LAG3: variants seen among roughly 807,000 people sequenced by gnomAD.
LAG3 encodes the protein lymphocyte activating 3.
LAG3 carries 29 observed loss-of-function variants against 49.0 expected under a neutral mutation model. The observed-to-expected ratio is 0.59, with a 90% CI of 0.44 to 0.81. The LOEUF is 0.81. Among genes scored for constraint, LAG3 ranks in the 30% least tolerant of loss-of-function variants. The probability of loss-of-function intolerance (pLI) is 0.00; values close to 1 mark genes in which losing one functional copy is unlikely to be tolerated. For missense variants in LAG3, 693 were observed against 695.2 expected, an observed-to-expected ratio of 1.00 and a Z score of 0.04; for synonymous variants, 320 against 297.3, an observed-to-expected ratio of 1.08 and a Z score of -0.79.
At chr12:6,774,135 G>C (rs1941876538) in intron 3 of LAG3, 134 bp downstream of exon 3, 20 of 1,308,948 alleles carry the variant, frequency 1.5e-5, no homozygotes, top group African/African-American at 9.3e-5. Flanking sequence ...GTAGAGGAAG[G>C]GGGTGGGCGG....
In LAG3 at chr12:6,772,797, C is replaced by CGGGGCGG; in HGVS notation, c.-56_-55insGGGGCGG. On this transcript the variant is annotated 5_prime_UTR_variant, in exon 1 of 8. Coordinates refer to ENST00000203629, the MANE Select transcript of LAG3 (RefSeq NM_002286.6). ...ACCCCCCACCCCCCACCACTGCCCC[C>CGGGGCGG]TTTCCTTTTCTGACCTCCTTTTGGA... The CGGGGCGG allele has an allele frequency of 6.7e-7, 1 of 1,502,052 alleles. No homozygotes were observed. The highest frequency in any genetic ancestry group is 9.2e-7 in the Non-Finnish European group (1 of 1,085,996). 93.0% of individuals were successfully genotyped at this position (1,502,052 alleles called of 1,614,324 possible).
chr12:6,773,122 C>T lies in LAG3; in HGVS notation c.59-70C>T. 1.3e-6 allele frequency: 2 copies of T among 1,532,574 alleles called. No individual in the cohort carries two copies. The highest frequency in any genetic ancestry group is 1.8e-6 in the Non-Finnish European group (2 of 1,134,858). 94.9% of individuals were successfully genotyped at this position (1,532,574 alleles called of 1,614,324 possible). The stretch of plus-strand genomic sequence containing the variant: ...ACCCTGTTTCTCCCTCGGGAAACAC[C>T]CAGGCTCCTTCTCTACCCCTGCCTC... On this transcript the variant is annotated intron_variant, in intron 1 of 7. Transcript: ENST00000203629. The surrounding 1 kb of genome is among the most constrained non-coding windows in gnomAD (Gnocchi z 5.5).
Position 6,773,277 on chromosome 12 carries a change from C to G in LAG3, c.144C>G (p.Ile48Met). Residue 48 changes from isoleucine to methionine, a missense_variant, in exon 2 of 8, where the codon ATC becomes ATG. By Grantham distance (10) the Ile-to-Met change is conservative. Transcript: ENST00000203629. This position sits in a 1 kb window ranked among gnomAD's most constrained non-coding sequence, Gnocchi z 5.5. Reference protein sequence around the residue: ...APAQLPCSPTIPLQDLSLLRR... With the variant: ...APAQLPCSPTMPLQDLSLLRR... ...CCCAGCTCCCCTGCAGCCCCACAATCCCCCTCCAGGATCTCAGCCTTCTGC... is the reference window on the plus strand; with the variant it reads ...CCCAGCTCCCCTGCAGCCCCACAATGCCCCTCCAGGATCTCAGCCTTCTGC... 1 of 1,613,800 alleles carries G rather than the reference C, an allele frequency of 6.2e-7. No individual in the cohort carries two copies. Among genetic ancestry groups the G allele is most frequent in the Non-Finnish European group, 8.5e-7 (1 of 1,179,876 alleles).
At position 6,777,376 on chromosome 12, in the gene LAG3, GAGGAGTTTCTC is replaced by G. The variant is rs1565482666; in HGVS notation, c.1175_1185del (p.Ser392ThrfsTer37). 6.2e-7 allele frequency: 1 copy of G among 1,614,182 alleles called. No individual in the cohort carries two copies. Among genetic ancestry groups the G allele is most frequent in the Admixed American group, 1.7e-5 (1 of 60,024 alleles). On this transcript the variant is annotated frameshift_variant, in exon 6 of 8. Transcript: ENST00000203629. LOFTEE classifies it high-confidence loss of function. Reference sequence around the variant, plus strand: ...GGAGCTCTCTGGACACCCCATCCCAGAGGAGTTTCTCAGGACCTTGGCTGGAGGCACAGGAG... The same window carrying G: ...GGAGCTCTCTGGACACCCCATCCCAGAGGACCTTGGCTGGAGGCACAGGAG...
intron 7 of LAG3, 152 bp downstream of exon 7, chr12:6,778,073 G>A: frequency 1.5e-6 from 2 of 1,343,878 alleles, no homozygotes; most frequent in Non-Finnish European, 2.1e-6. Context: ...TCACTCCAGG[G>A]ATGGCTTGTG....
chr12:6,773,440 G>A lies in LAG3; in HGVS notation c.206+101G>A, dbSNP rs1304413414. ...CCTGCCCTGAGGTGTCACTCCCTCT[G>A]AAGCCAGTGACCCAGTCTCCCTGCC... On this transcript the variant is annotated intron_variant, in intron 2 of 7. Coordinates refer to ENST00000203629, the MANE Select transcript of LAG3 (RefSeq NM_002286.6). This position sits in a 1 kb window ranked among gnomAD's most constrained non-coding sequence, Gnocchi z 5.5. 2.9e-6 allele frequency: 4 copies of A among 1,400,140 alleles called. No individual in the cohort carries two copies. Among genetic ancestry groups the A allele is most frequent in the Admixed American group, 4.4e-5 (2 of 45,426 alleles). 86.7% of individuals were successfully genotyped at this position (1,400,140 alleles called of 1,614,324 possible).
chr12:6,773,656 T>G lies in LAG3; in HGVS notation c.207-41T>G. The G allele has an allele frequency of 7.3e-7, 1 of 1,361,260 alleles. No homozygotes were observed. The highest frequency in any genetic ancestry group is 9.4e-7 in the Non-Finnish European group (1 of 1,064,888). 84.3% of individuals were successfully genotyped at this position (1,361,260 alleles called of 1,614,324 possible). On this transcript the variant is annotated intron_variant, in intron 2 of 7. Transcript: ENST00000203629. This position sits in a 1 kb window ranked among gnomAD's most constrained non-coding sequence, Gnocchi z 5.5. ...GCTGCCTGCATCCTCCCGGGCTTCC[T>G]ACCCCTGGAGCTTCTCAACTCCATT...
At position 6,775,286 on chromosome 12, in the gene LAG3, A is replaced by G; in HGVS notation, c.795A>G (p.Pro265=). 6.2e-7 allele frequency: 1 copy of G among 1,613,620 alleles called. No individual in the cohort carries two copies. Among genetic ancestry groups the G allele is most frequent in the East Asian group, 2.2e-5 (1 of 44,866 alleles). ...TTTTCTCTTCAGGTCTGGAGCCCCC[A>G]ACTCCCTTGACAGTGTACGCTGGAG... is the stretch of plus-strand genomic sequence containing the variant. The part of the protein sequence containing the change: ...YNLTVLGLEP[P]TPLTVYAGAG... Residue 265 remains proline (P), a synonymous_variant, in exon 5 of 8, where the codon CCA becomes CCG. Transcript: ENST00000203629.
At chr12:6,774,111 G>A in intron 3 of LAG3, 110 bp downstream of exon 3, 1 of 1,327,506 alleles carries the variant, frequency 7.5e-7, no homozygotes, top group African/African-American at 1.5e-5. Context: ...CCCTGTCGGA[G>A]AGCTCCCAGA....
Position 6,772,780 on chromosome 12 carries a change from C to A in LAG3, c.-73C>A. ...TGCAGAACTTCTCCTTTACCCCCCA[C>A]CCCCCACCACTGCCCCCTTTCCTTT... On this transcript the variant is annotated 5_prime_UTR_variant, in exon 1 of 8. Transcript: ENST00000203629. 7 of 1,023,118 alleles carry A rather than the reference C, an allele frequency of 6.8e-6. No homozygotes were observed. Among genetic ancestry groups the A allele is most frequent in the Non-Finnish European group, 7.2e-6 (5 of 696,442 alleles). 63.4% of individuals were successfully genotyped at this position (1,023,118 alleles called of 1,614,324 possible). A position where few individuals can be genotyped will look rare whatever the true frequency, so the allele number is the denominator to read the frequency against.
At position 6,773,639 on chromosome 12, in the gene LAG3, C is replaced by T; in HGVS notation, c.207-58C>T. The T allele has an allele frequency of 7.5e-7, 1 of 1,340,068 alleles. No homozygotes were observed. Among genetic ancestry groups the T allele is most frequent in the Non-Finnish European group, 9.5e-7 (1 of 1,052,964 alleles). 83.0% of individuals were successfully genotyped at this position (1,340,068 alleles called of 1,614,324 possible). ...CTCATCCTCAACGGGTGGCTGCCTG[C>T]ATCCTCCCGGGCTTCCTACCCCTGG... On this transcript the variant is annotated intron_variant, in intron 2 of 7. Transcript: ENST00000203629. This position sits in a 1 kb window ranked among gnomAD's most constrained non-coding sequence, Gnocchi z 5.5.
At position 6,777,381 on chromosome 12, in the gene LAG3, G is replaced by T. The variant is rs755178961; in HGVS notation, c.1175G>T (p.Ser392Ile). ...TCTCTGGACACCCCATCCCAGAGGA[G>T]TTTCTCAGGACCTTGGCTGGAGGCA... ...WSSLDTPSQR[S>I]FSGPWLEAQE... is the part of the protein sequence containing the mutation. Residue 392 changes from serine to isoleucine, a missense_variant, in exon 6 of 8, where the codon AGT becomes ATT. Coordinates refer to ENST00000203629, the MANE Select transcript of LAG3 (RefSeq NM_002286.6). 2.5e-6 allele frequency: 4 copies of T among 1,614,140 alleles called. 1 individual carries two copies. The Middle Eastern group carries it at 4.9e-4, about 200-fold the overall frequency.
Position 6,777,794 on chromosome 12 carries a change from C to T in LAG3, c.1304C>T (p.Ala435Val). ...VYFTELSSPG[A>V]QRSGRAPGAL... ...TCATCCTGTACTTTCTCCATAGGTG[C>T]CCAACGCTCTGGGAGAGCCCCAGGT... The change falls in exon 7 of 8, where the codon GCC (alanine) becomes GTC (valine). Residue 435 changes from alanine to valine, a missense_variant. By Grantham distance (64) the Ala-to-Val change is moderately conservative. Transcript: ENST00000203629. 3.1e-6 allele frequency: 5 copies of T among 1,613,844 alleles called. No homozygotes were observed. The highest frequency in any genetic ancestry group is 4.2e-6 in the Non-Finnish European group (5 of 1,179,956).
At chr12:6,775,016 G>A (rs112801541) in intron 4 of LAG3, 152 bp downstream of exon 4, 1 of 888,872 alleles carries the variant, frequency 1.1e-6, no homozygotes, top group Non-Finnish European at 1.7e-6. Context: ...TTATATTGCT[G>A]GCAGCCTCAC....
Position 6,774,723 on chromosome 12 carries a change from C to T in LAG3, c.640C>T (p.Arg214Trp), listed in dbSNP as rs1399857044. 4 of 1,614,046 alleles carry T rather than the reference C, an allele frequency of 2.5e-6. No homozygotes were observed. The African/African-American group carries it at 4.0e-5, about 16-fold the overall frequency. The change falls in exon 4 of 8, where the codon CGG (arginine) becomes TGG (tryptophan). Residue 214 changes from arginine to tryptophan, a missense_variant. By Grantham distance (101) the Arg-to-Trp change is moderately radical (BLOSUM62 -3). Transcript: ENST00000203629. ...CCGGGGCCAGGGCCGAGTCCCTGTC[C>T]GGGAGTCCCCCCATCACCACTTAGC... ...RNRGQGRVPV[R>W]ESPHHHLAES...
Position 6,778,295 on chromosome 12 carries a change from G to A in LAG3, c.1483G>A (p.Ala495Thr). ...AGAGCAAGGGATTCACCCTCCGCAG[G>A]CTCAGAGCAAGATAGAGGAGCTGGA... ...ALEQGIHPPQ[A>T]QSKIEELEQE... is the part of the protein sequence containing the mutation. The change falls in exon 8 of 8, where the codon GCT becomes ACT. Residue 495 changes from alanine (A) to threonine (T), a missense_variant. Transcript: ENST00000203629. The A allele has an allele frequency of 1.9e-6, 3 of 1,613,358 alleles. No homozygotes were observed. Among genetic ancestry groups the A allele is most frequent in the African/African-American group, 1.3e-5 (1 of 74,956 alleles).
At chr12:6,775,158 C>A in intron 4 of LAG3, 115 bp from the exon 5 acceptor site, 1 of 1,170,194 alleles carries the variant, frequency 8.5e-7, no homozygotes, top group Non-Finnish European at 1.2e-6. Flanking sequence ...TGCTCCTTAG[C>A]ACTCTTATGA....
At position 6,778,264 on chromosome 12, in the gene LAG3, T is replaced by A. The variant is rs770072743; in HGVS notation, c.1452T>A (p.Ser484=). The change falls in exon 8 of 8, where the codon TCT becomes TCA. Residue 484 remains serine (S), a synonymous_variant. Transcript: ENST00000203629. ...CACAGTGGCGACCAAGACGATTTTCTGCCTTAGAGCAAGGGATTCACCCTC... is the reference window on the plus strand; with the variant it reads ...CACAGTGGCGACCAAGACGATTTTCAGCCTTAGAGCAAGGGATTCACCCTC... The part of the protein sequence containing the change: ...WRRQWRPRRF[S]ALEQGIHPPQ... 1.9e-6 allele frequency: 3 copies of A among 1,604,544 alleles called. No individual in the cohort carries two copies. In the African/African-American group the frequency reaches 4.0e-5, roughly 22 times the overall value.
intron 5 of LAG3, among the ~76,000 whole-genome samples, chr12:6,776,062 C>T (rs1156935562): frequency 6.6e-6 from 1 of 152,196 alleles, no homozygotes; most frequent in Non-Finnish European, 1.5e-5. Context: ...TGATAACTAT[C>T]GGCCATGACA....
Sources: allele counts gnomAD v4.1 joint callset (sites outside exome capture counted in the v4.1 genomes callset), GRCh38; gene constraint gnomAD v4.1.1; non-coding constraint Gnocchi (gnomAD v3.1); transcripts MANE v1.5; gene names NCBI Gene and HGNC (gene_info 2026-07-23, HGNC 2026-07-21).